NECTIN2: variants seen among roughly 807,000 people sequenced by gnomAD.
NECTIN2 encodes the protein nectin cell adhesion molecule 2.
NECTIN2 carries 23 observed loss-of-function variants against 56.9 expected under a neutral mutation model. The ratio of observed to expected loss-of-function variants is 0.40; its 90% confidence interval spans 0.29 to 0.57. NECTIN2 has a LOEUF of 0.57. Among genes scored for constraint, NECTIN2 ranks in the 20% least tolerant of loss-of-function variants. The probability of loss-of-function intolerance (pLI) is 0.38; values close to 1 mark genes in which losing one functional copy is unlikely to be tolerated. For synonymous variants in NECTIN2, 302 were observed against 313.8 expected (o/e 0.96, Z 0.40); for missense variants, 587 against 718.3 (o/e 0.82, Z 2.09).
chr19:44,873,670 T>C (rs1171171646), intron 3 of NECTIN2, among the ~76,000 whole-genome samples: 1 of 152,018 alleles, frequency 6.6e-6, no homozygotes, highest in Non-Finnish European at 1.5e-5. Context: ...TTATTTGTAG[T>C]GGCTCCCTTA....
At position 44,874,317 on chromosome 19, in the gene NECTIN2, C is replaced by G. The variant is rs375599232; in HGVS notation, c.894-13C>G. 5 of 1,613,664 alleles carry G rather than the reference C, an allele frequency of 3.1e-6. No individual in the cohort carries two copies. The highest frequency in any genetic ancestry group is 4.2e-6 in the Non-Finnish European group (5 of 1,179,580). On this transcript the variant is annotated splice_polypyrimidine_tract_variant and intron_variant, in intron 4 of 8. Transcript: ENST00000252483. This position sits in a 1 kb window ranked among gnomAD's most constrained non-coding sequence, Gnocchi z 6.3. Reference sequence around the variant, plus strand: ...CCTTGGTATCCCTCTCACCTGACCCCACACCCCTCCAGGACCTCAGGCACC... The same window carrying G: ...CCTTGGTATCCCTCTCACCTGACCCGACACCCCTCCAGGACCTCAGGCACC...
Position 44,882,271 on chromosome 19 carries a change from C to T in NECTIN2, c.1103C>T (p.Ala368Val). 6.4e-7 allele frequency: 1 copy of T among 1,561,068 alleles called. No individual in the cohort carries two copies. The highest frequency in any genetic ancestry group is 8.7e-7 in the Non-Finnish European group (1 of 1,153,186). ...GGCATCATCGGGGGCATCATCGCCGCCATCATTGCTACTGCTGTGGCTGCC... is the reference window on the plus strand; with the variant it reads ...GGCATCATCGGGGGCATCATCGCCGTCATCATTGCTACTGCTGTGGCTGCC... ...TGGIIGGIIA[A>V]IIATAVAATG... Residue 368 changes from alanine (A) to valine (V), a missense_variant, in exon 6 of 9, where the codon GCC (alanine) becomes GTC (valine). By Grantham distance (64) the Ala-to-Val change is moderately conservative (BLOSUM62 0). Coordinates refer to ENST00000252483, the MANE Select transcript of NECTIN2 (RefSeq NM_001042724.2).
At chr19:44,873,856 A>G in intron 3 of NECTIN2, 60 bp from the exon 4 acceptor site, 1 of 1,327,632 alleles carries the variant, frequency 7.5e-7, no homozygotes, top group Non-Finnish European at 1.1e-6. Flanking sequence ...CTATCTGCTA[A>G]CTTGTCCACC....
At chr19:44,858,277 T>G (rs1181375085) in intron 1 of NECTIN2, among the ~76,000 whole-genome samples, 1 of 152,194 alleles carries the variant, frequency 6.6e-6, no homozygotes, top group Non-Finnish European at 1.5e-5. Context: ...TTTGTGGGAC[T>G]TGTGTGGAGA....
chr19:44,853,298 G>A (rs1181660791), intron 1 of NECTIN2, among the ~76,000 whole-genome samples: 1 of 151,880 alleles, frequency 6.6e-6, no homozygotes. Flanking sequence ...CCAGATTCAC[G>A]CCATTCTCCT....
Position 44,846,454 on chromosome 19 carries a change from CGCCCAGCCGATCG to C in NECTIN2, c.-67_-55del. ...GGAGCCCCACAGGCACCTACTAAAC[CGCCCAGCCGATCG>C]GCCCCCACAGAGTGGCCCGCGGGCC... is the stretch of plus-strand genomic sequence containing the variant. On this transcript the variant is annotated 5_prime_UTR_variant, in exon 1 of 9. Transcript: ENST00000252483. 1 of 1,393,654 alleles carries C rather than the reference CGCCCAGCCGATCG, an allele frequency of 7.2e-7. No individual in the cohort carries two copies. Among genetic ancestry groups the C allele is most frequent in the Middle Eastern group, 2.7e-4 (1 of 3,768 alleles). The allele number at this position is 1,393,654 out of a possible 1,614,324, so 86.3% of individuals were successfully genotyped here.
At chr19:44,881,598 G>A (rs537069186) in intron 5 of NECTIN2, among the ~76,000 whole-genome samples, 72 of 152,134 alleles carry the variant, frequency 4.7e-4, no homozygotes, top group African/African-American at 1.7e-3. Context: ...GAGGTGGGAG[G>A]ATCGCTTGAG....
In NECTIN2 at chr19:44,878,275, G is replaced by T. The variant is rs773661475; in HGVS notation, c.1042+3797G>T. ...TGGGCCCGCTGGTGTGGGGGGCCGT[G>T]GGGGGGACACTGCTGGTGCTGCTGC... On this transcript the variant is annotated intron_variant, in intron 5 of 8. Coordinates refer to ENST00000252483, the MANE Select transcript of NECTIN2 (RefSeq NM_001042724.2). 518 of 1,151,132 alleles carry T rather than the reference G, an allele frequency of 4.5e-4. No individual in the cohort carries two copies. Among genetic ancestry groups the T allele is most frequent in the Non-Finnish European group, 6.2e-4 (489 of 794,294 alleles). The allele number at this position is 1,151,132 out of a possible 1,614,324, so 71.3% of individuals were successfully genotyped here.
At chr19:44,883,922 C>G (rs1359866978) in intron 6 of NECTIN2, among the ~76,000 whole-genome samples, 2 of 151,950 alleles carry the variant, frequency 1.3e-5, no homozygotes, top group African/African-American at 4.8e-5. Flanking sequence ...GAGTTCGAGA[C>G]CAGCCTGGGC....
intron 8 of NECTIN2, among the ~76,000 whole-genome samples, chr19:44,886,550 G>A (rs1969363257): frequency 6.6e-6 from 1 of 151,540 alleles, no homozygotes; most frequent in Non-Finnish European, 1.5e-5. Flanking sequence ...GTGAAACCCC[G>A]TCTCTACTCA....
chr19:44,885,245 C>T (rs1448736995), intron 6 of NECTIN2, among the ~76,000 whole-genome samples: 1 of 151,870 alleles, frequency 6.6e-6, no homozygotes, highest in Non-Finnish European at 1.5e-5. Context: ...ATCTGCCCAC[C>T]TCGGCCTCCC....
chr19:44,849,484 C>T (rs1382281052), intron 1 of NECTIN2, among the ~76,000 whole-genome samples: 1 of 151,440 alleles, frequency 6.6e-6, no homozygotes, highest in African/African-American at 2.4e-5. Flanking sequence ...GGGAGCTGGG[C>T]ACATGGGCCA....
Position 44,853,260 on chromosome 19 carries a change from G to A in NECTIN2, c.88+6647G>A, listed in dbSNP as rs140411770. On this transcript the variant is annotated intron_variant, in intron 1 of 8. Transcript: ENST00000252483. ...CCCCCCAGCTGGAGTGCAGTGGCGCGATCTCAGCTCACTGCAAGCTCTGCC... is the reference window on the plus strand; with the variant it reads ...CCCCCCAGCTGGAGTGCAGTGGCGCAATCTCAGCTCACTGCAAGCTCTGCC... 3.9e-3 allele frequency among the ~76,000 whole-genome samples: 585 copies of A among 149,228 alleles called. 4 individuals are homozygous for A. The highest frequency in any genetic ancestry group is 0.011 in the Middle Eastern group (3 of 274).
rs377474618 is a variant in NECTIN2, at chr19:44,854,584, G to A, written c.88+7971G>A. On this transcript the variant is annotated intron_variant, in intron 1 of 8. Coordinates refer to ENST00000252483, the MANE Select transcript of NECTIN2 (RefSeq NM_001042724.2). ...TCCCAACACTTTGGGAGGCCGAGGC[G>A]GGTGGATCACTTGAGGTCAGGAGTC... Among the ~76,000 whole-genome samples the A allele has an allele frequency of 2.8e-4, 43 of 152,164 alleles. No individual in the cohort carries two copies. In the South Asian group the frequency reaches 3.9e-3, roughly 14 times the overall value.
At chr19:44,883,237 G>A (rs1487613187) in intron 6 of NECTIN2, among the ~76,000 whole-genome samples, 19 of 151,850 alleles carry the variant, frequency 1.3e-4, no homozygotes, top group Non-Finnish European at 2.1e-4. Context: ...GGGTGGGTCA[G>A]GCAGGGTGGC....
chr19:44,865,193 C>G lies in NECTIN2; in HGVS notation c.89-78C>G. The G allele has an allele frequency of 2.1e-6, 3 of 1,450,818 alleles. No homozygotes were observed. Among genetic ancestry groups the G allele is most frequent in the South Asian group, 2.8e-5 (2 of 71,794 alleles). 89.9% of individuals were successfully genotyped at this position (1,450,818 alleles called of 1,614,324 possible). A position where few individuals can be genotyped will look rare whatever the true frequency, so the allele number is the denominator to read the frequency against. ...GGAGCCTGCATTTCCCGTGGGGCCC[C>G]CTTCGTGGTGGCCCTGCCTGGAGGT... On this transcript the variant is annotated intron_variant, in intron 1 of 8. Coordinates refer to ENST00000252483, the MANE Select transcript of NECTIN2 (RefSeq NM_001042724.2). The surrounding 1 kb of genome is among the most constrained non-coding windows in gnomAD (Gnocchi z 5.2).
At chr19:44,872,811 T>C (rs1417762322) in intron 3 of NECTIN2, among the ~76,000 whole-genome samples, 2 of 147,680 alleles carry the variant, frequency 1.4e-5, no homozygotes, top group South Asian at 2.1e-4. Context: ...TTATTTATTA[T>C]TATATTTTTA....
At chr19:44,878,045 C>A (rs1202485480) in intron 5 of NECTIN2, among the ~76,000 whole-genome samples, 1 of 150,050 alleles carries the variant, frequency 6.7e-6, no homozygotes. Context: ...GCTTCCCCAC[C>A]CCCCTCCTCC....
At chr19:44,883,351 T>G (rs1444328573) in intron 6 of NECTIN2, among the ~76,000 whole-genome samples, 2 of 152,098 alleles carry the variant, frequency 1.3e-5, no homozygotes, top group Non-Finnish European at 2.9e-5. Flanking sequence ...CTCGGCTCAC[T>G]GCAACCTCCG....
Sources: allele counts gnomAD v4.1 joint callset (sites outside exome capture counted in the v4.1 genomes callset), GRCh38; gene constraint gnomAD v4.1.1; non-coding constraint Gnocchi (gnomAD v3.1); transcripts MANE v1.5; gene names NCBI Gene and HGNC (gene_info 2026-07-23, HGNC 2026-07-21).